Variants in KHDRBS2 observed in about 807,000 individuals in gnomAD.
KHDRBS2 encodes KH domain-containing, RNA-binding, signal transduction-associated protein 2.
In KHDRBS2, 26 loss-of-function variants were observed where a neutral mutation model predicts 44.3. That is an observed-to-expected ratio of 0.59 (90% CI 0.43 to 0.81). The LOEUF is 0.81. KHDRBS2 is among the 40% of genes least tolerant of loss of function. The pLI is 0.00. For synonymous variants in KHDRBS2, 194 were observed against 151.1 expected, an observed-to-expected ratio of 1.28 and a Z score of -2.08; for missense variants, 476 against 433.1, an observed-to-expected ratio of 1.10 and a Z score of -0.88.
At chr6:61,677,713 A>C (rs971865501), downstream of KHDRBS2, among the ~76,000 whole-genome samples, 1 of 151,892 alleles carries the variant, frequency 6.6e-6, no homozygotes, top group African/African-American at 2.4e-5. Context: ...TTGAACCCAT[A>C]GTATTTTCAG....
intron 6 of KHDRBS2, among the ~76,000 whole-genome samples, chr6:61,825,998 C>A (rs1231219703): frequency 6.6e-6 from 1 of 152,180 alleles, no homozygotes; most frequent in Non-Finnish European, 1.5e-5. Flanking sequence ...GATGATTTCT[C>A]TGTCTTGGAG....
chr6:61,942,427 T>A (rs73489460), intron 4 of KHDRBS2, among the ~76,000 whole-genome samples: 65 of 151,174 alleles, frequency 4.3e-4, no homozygotes, highest in African/African-American at 1.5e-3. Flanking sequence ...AAGAATGAAA[T>A]GAAGGAAAAA....
chr6:62,126,127 G>C (rs1160388736), intron 2 of KHDRBS2, among the ~76,000 whole-genome samples: 2 of 152,146 alleles, frequency 1.3e-5, no homozygotes, highest in Non-Finnish European at 2.9e-5. Context: ...CCTGAAAGGA[G>C]AGTCCTAGGC....
chr6:61,591,013 G>A, the KHDRBS2 span, among the ~76,000 whole-genome samples: 1 of 152,266 alleles, frequency 6.6e-6, no homozygotes, highest in Non-Finnish European at 1.5e-5. Flanking sequence ...AACACTCAAA[G>A]AGCATCATTT....
downstream of KHDRBS2, among the ~76,000 whole-genome samples, chr6:61,678,512 C>A (rs149732516): frequency 2.6e-5 from 4 of 151,914 alleles, no homozygotes; most frequent in African/African-American, 9.7e-5. Context: ...CCTGTCCCTT[C>A]CCTTTATTTT....
At chr6:61,816,722 A>T (rs1393067648) in intron 6 of KHDRBS2, 1 of 394,764 alleles carries the variant, frequency 2.5e-6, no homozygotes, top group Non-Finnish European at 5.2e-6. Context: ...GAATAAATCT[A>T]CTAAAATGTA....
chr6:61,782,727 ATATATATATAT>A, intron 6 of KHDRBS2, among the ~76,000 whole-genome samples: 1 of 141,882 alleles, frequency 7.0e-6, no homozygotes, highest in African/African-American at 2.6e-5. Flanking sequence ...ATATATATAT[ATATATATATAT>A]ACACACACAC....
chr6:62,262,347 T>C (rs1042006082), intron 1 of KHDRBS2, among the ~76,000 whole-genome samples: 6 of 151,776 alleles, frequency 4.0e-5, no homozygotes, highest in African/African-American at 1.2e-4. Flanking sequence ...ACCTCACCGA[T>C]TGCTTTATAA....
At chr6:62,272,760 G>C (rs1235605079) in intron 1 of KHDRBS2, among the ~76,000 whole-genome samples, 1 of 152,146 alleles carries the variant, frequency 6.6e-6, no homozygotes, top group African/African-American at 2.4e-5. Context: ...TCCAAGAACA[G>C]TCCTATAAAA....
At chr6:62,119,244 C>T (rs1807032205) in intron 2 of KHDRBS2, among the ~76,000 whole-genome samples, 1 of 152,204 alleles carries the variant, frequency 6.6e-6, no homozygotes, top group South Asian at 2.1e-4. Context: ...TGATATTCCT[C>T]ATTCACTGCT....
rs548965068 is a variant in KHDRBS2 at position 61,743,407 on chromosome 6, A to G, written c.811-10643T>C. Among the ~76,000 whole-genome samples the G allele has an allele frequency of 5.9e-5, 9 of 152,244 alleles. No homozygotes were observed. The East Asian group carries it at 1.7e-3, about 29-fold the overall frequency. The stretch of plus-strand genomic sequence containing the variant: ...TAAACTCAGTTATCTGGCACTGTCT[A>G]GTATTTACTCTCTAGTTGCTTTACT... On this transcript the variant is annotated intron_variant, in intron 6 of 8. Transcript: ENST00000281156.
chr6:62,108,183 G>T (rs1003924847), intron 2 of KHDRBS2, among the ~76,000 whole-genome samples: 3 of 151,932 alleles, frequency 2.0e-5, no homozygotes, highest in Non-Finnish European at 2.9e-5. Flanking sequence ...GAAAATTTTC[G>T]CAACCTACTC....
At position 62,051,132 on chromosome 6, in the gene KHDRBS2, C is replaced by T. The variant is rs1256594553; in HGVS notation, c.220-3138G>A. Among the ~76,000 whole-genome samples the T allele has an allele frequency of 1.5e-4, 23 of 152,062 alleles. No individual in the cohort carries two copies. The East Asian group carries it at 2.9e-3, about 19-fold the overall frequency. ...GCCTGAAGTTGAACTGGCTGGAAAG[C>T]GGCATGAAGGAAATATCTGGGGTGA... On this transcript the variant is annotated intron_variant, in intron 2 of 8. Transcript: ENST00000281156.
the KHDRBS2 span, among the ~76,000 whole-genome samples, chr6:61,590,054 G>C: frequency 6.6e-6 from 1 of 152,210 alleles, no homozygotes; most frequent in African/African-American, 2.4e-5. Context: ...AAAAAAAATA[G>C]CAGCCAAATA....
chr6:62,075,475 T>A (rs1481053177), intron 2 of KHDRBS2, among the ~76,000 whole-genome samples: 1 of 151,964 alleles, frequency 6.6e-6, no homozygotes, highest in East Asian at 1.9e-4. Context: ...GGTATACCAA[T>A]GGTCCTGGTT....
chr6:61,704,353 TTTG>T (rs754486258), intron 7 of KHDRBS2, among the ~76,000 whole-genome samples: 6 of 151,808 alleles, frequency 4.0e-5, no homozygotes, highest in Non-Finnish European at 7.4e-5. Context: ...ATTCATTCTT[TTTG>T]TTGTTGTTGT....
the KHDRBS2 span, among the ~76,000 whole-genome samples, chr6:61,552,943 A>G: frequency 6.6e-6 from 1 of 152,100 alleles, no homozygotes; most frequent in African/African-American, 2.4e-5. Context: ...CATCAAGGGT[A>G]CTGGCCTGAC....
Position 62,179,434 on chromosome 6 carries a change from C to A in KHDRBS2, c.92-2122G>T, listed in dbSNP as rs534349235. Among the ~76,000 whole-genome samples the A allele has an allele frequency of 2.2e-4, 34 of 151,812 alleles. No individual in the cohort carries two copies. In the South Asian group the frequency reaches 6.4e-3, roughly 29 times the overall value. On this transcript the variant is annotated intron_variant, in intron 1 of 8. Coordinates refer to ENST00000281156, the MANE Select transcript of KHDRBS2 (RefSeq NM_152688.4). Reference sequence around the variant, plus strand: ...TAAATTGAAAATCACTTTATTCCAACCTTTCCATCCCTTATATAATTAATA... The same window carrying A: ...TAAATTGAAAATCACTTTATTCCAAACTTTCCATCCCTTATATAATTAATA...
At chr6:61,833,531 A>G (rs1792163461) in intron 6 of KHDRBS2, among the ~76,000 whole-genome samples, 1 of 152,186 alleles carries the variant, frequency 6.6e-6, no homozygotes, top group Admixed American at 6.6e-5. Context: ...TGTCACATCA[A>G]TCAACAAGGT....
Sources: allele counts gnomAD v4.1 joint callset (sites outside exome capture counted in the v4.1 genomes callset), GRCh38; gene constraint gnomAD v4.1.1; transcripts MANE v1.5; gene names NCBI Gene and HGNC (gene_info 2026-07-23, HGNC 2026-07-21).